Variants in EPHB1 observed in about 807,000 individuals in gnomAD.
EPHB1 encodes the protein EPH receptor B1, also known as ephrin type-B receptor 1.
Under a neutral mutation model 94.4 loss-of-function variants are expected in EPHB1, and 30 were observed. The ratio of observed to expected loss-of-function variants is 0.32; its 90% CI spans 0.24 to 0.43. The LOEUF is 0.43. Ranked by LOEUF, EPHB1 falls within the 20% of genes least tolerant of loss-of-function variation. The pLI is 1.00. For missense variants in EPHB1, 1,055 were observed against 1,308.3 expected (o/e 0.81, Z 2.99); for synonymous variants, 522 against 489.1 (o/e 1.07, Z -0.89).
At chr3:134,962,116 C>T (rs1933542174) in intron 3 of EPHB1, among the ~76,000 whole-genome samples, 1 of 152,184 alleles carries the variant, frequency 6.6e-6, no homozygotes, top group African/African-American at 2.4e-5. Flanking sequence ...TTGAGAGTTC[C>T]TGTTCCCTAT....
At chr3:135,228,135 G>C (rs750370084) in intron 12 of EPHB1, among the ~76,000 whole-genome samples, 1 of 150,834 alleles carries the variant, frequency 6.6e-6, no homozygotes, top group African/African-American at 2.4e-5. Flanking sequence ...CCTTTTTTTC[G>C]CTCTAGTACA....
intron 2 of EPHB1, among the ~76,000 whole-genome samples, chr3:134,942,114 A>G (rs11917899): frequency 2.0e-5 from 3 of 152,318 alleles, no homozygotes; most frequent in African/African-American, 2.4e-5. Flanking sequence ...TTTCACAAAG[A>G]CAGGTTAGCC....
intron 3 of EPHB1, among the ~76,000 whole-genome samples, chr3:135,057,574 G>GC (rs1937383301): frequency 6.6e-6 from 1 of 152,094 alleles, no homozygotes; most frequent in East Asian, 1.9e-4. Flanking sequence ...TGGCTCCCTT[G>GC]CCCCGCTCCT....
Position 135,230,704 on chromosome 3 carries a change from C to T in EPHB1, c.2347-10444C>T, listed in dbSNP as rs142425053. ...TAGAACCCAATAAGTAGTTTTTCAA[C>T]CCATGCCTCCCTCCCTCCCTCTCAC... On this transcript the variant is annotated intron_variant, in intron 12 of 15. Coordinates refer to ENST00000398015, the MANE Select transcript of EPHB1 (RefSeq NM_004441.5). 2.3e-3 allele frequency among the ~76,000 whole-genome samples: 344 copies of T among 152,150 alleles called. 5 individuals carry two copies. The highest frequency in any genetic ancestry group is 7.9e-3 in the African/African-American group (327 of 41,492).
At position 134,838,625 on chromosome 3, in the gene EPHB1, C is replaced by T. The variant is rs539488399; in HGVS notation, c.58+42936C>T. Among the ~76,000 whole-genome samples, 65 of 147,398 alleles carry T rather than the reference C, an allele frequency of 4.4e-4. 1 individual carries two copies. The highest frequency in any genetic ancestry group is 3.6e-3 in the Middle Eastern group (1 of 278). ...ATCATGGGAGAATAATTGCTTAGCA[C>T]CCTTCTCTTAAAAAAATCCTTCACT... On this transcript the variant is annotated intron_variant, in intron 1 of 15. Coordinates refer to ENST00000398015, the MANE Select transcript of EPHB1 (RefSeq NM_004441.5).
intron 3 of EPHB1, among the ~76,000 whole-genome samples, chr3:135,029,083 T>G (rs1173458074): frequency 1.7e-5 from 2 of 118,862 alleles, no homozygotes; most frequent in Non-Finnish European, 3.7e-5. Context: ...GCTTGGTAGA[T>G]CTTCCTCCAT....
intron 10 of EPHB1, among the ~76,000 whole-genome samples, chr3:135,182,682 A>AAAGT (rs146033873): frequency 0.23 from 35,205 of 152,072 alleles, 4,891 homozygotes; most frequent in East Asian, 0.48. Flanking sequence ...ACTAGTAGAA[A>AAAGT]AAGTAAGTTT....
At chr3:135,145,060 A>G (rs1276558935) in intron 5 of EPHB1, among the ~76,000 whole-genome samples, 1 of 152,240 alleles carries the variant, frequency 6.6e-6, no homozygotes. Context: ...CAGAAGTGTT[A>G]CTGCACCAAA....
chr3:134,869,450 T>C (rs186054277), intron 1 of EPHB1, among the ~76,000 whole-genome samples: 1 of 152,290 alleles, frequency 6.6e-6, no homozygotes, highest in Non-Finnish European at 1.5e-5. Context: ...ACAGTTTTTT[T>C]CATGCTCTCC....
At chr3:134,839,628 C>T (rs1200436929) in intron 1 of EPHB1, among the ~76,000 whole-genome samples, 4 of 151,944 alleles carry the variant, frequency 2.6e-5, no homozygotes, top group African/African-American at 7.3e-5. Context: ...GAGTCATGAC[C>T]TCCTGCCAGG....
intron 13 of EPHB1, among the ~76,000 whole-genome samples, chr3:135,245,997 GCT>G (rs1943914511): frequency 6.6e-6 from 1 of 152,168 alleles, no homozygotes; most frequent in East Asian, 1.9e-4. Flanking sequence ...ATGGAGCTGC[GCT>G]CTCTCAGAAA....
chr3:135,122,563 T>C (rs548278176), intron 4 of EPHB1, among the ~76,000 whole-genome samples: 1 of 152,088 alleles, frequency 6.6e-6, no homozygotes, highest in East Asian at 1.9e-4. Flanking sequence ...CATAAATACC[T>C]CCCTACTGAG....
chr3:135,212,579 A>T (rs1389486723), intron 12 of EPHB1, among the ~76,000 whole-genome samples: 1 of 151,906 alleles, frequency 6.6e-6, no homozygotes, highest in African/African-American at 2.4e-5. Context: ...AATTGGGAAA[A>T]CTTTATACAC....
intron 4 of EPHB1, among the ~76,000 whole-genome samples, chr3:135,120,156 C>T (rs73862012): frequency 0.11 from 16,817 of 152,146 alleles, 1,471 homozygotes; most frequent in African/African-American, 0.24. Context: ...TTAAACAATC[C>T]TGTTTAATCA....
intron 1 of EPHB1, among the ~76,000 whole-genome samples, chr3:134,905,321 A>G (rs911598649): frequency 5.3e-5 from 8 of 152,186 alleles, no homozygotes; most frequent in African/African-American, 1.9e-4. Flanking sequence ...GAGTTTCCAC[A>G]TGCTGCTGGC....
At chr3:135,108,854 G>A (rs1939326956) in intron 4 of EPHB1, among the ~76,000 whole-genome samples, 1 of 152,148 alleles carries the variant, frequency 6.6e-6, no homozygotes, top group Admixed American at 6.5e-5. Context: ...GCTAGAGGCA[G>A]GTGACAAGTG....
intron 3 of EPHB1, among the ~76,000 whole-genome samples, chr3:135,091,565 A>G (rs1938559220): frequency 6.6e-6 from 1 of 152,012 alleles, no homozygotes; most frequent in African/African-American, 2.4e-5. Context: ...TCTAAAAGGT[A>G]TTTCTAAGGT....
intron 3 of EPHB1, among the ~76,000 whole-genome samples, chr3:135,073,986 C>T (rs1937818444): frequency 6.6e-6 from 1 of 152,194 alleles, no homozygotes; most frequent in African/African-American, 2.4e-5. Flanking sequence ...TCCATGGAGG[C>T]ACATCTTGTC....
At position 134,923,362 on chromosome 3, in the gene EPHB1, T is replaced by C. The variant is rs146450469; in HGVS notation, c.59-2454T>C. On this transcript the variant is annotated intron_variant, in intron 1 of 15. Coordinates refer to ENST00000398015, the MANE Select transcript of EPHB1 (RefSeq NM_004441.5). ...TGTGGAGGAAGGCACTCCCTGGCTC[T>C]GTTGGCTCCTGTCCACACAGGCACC... is the stretch of plus-strand genomic sequence containing the variant. Among the ~76,000 whole-genome samples, 579 of 152,288 alleles carry C rather than the reference T, an allele frequency of 3.8e-3. 3 individuals are homozygous for C. The highest frequency in any genetic ancestry group is 0.013 in the African/African-American group (558 of 41,574).
Sources: allele counts gnomAD v4.1 joint callset (sites outside exome capture counted in the v4.1 genomes callset), GRCh38; gene constraint gnomAD v4.1.1; transcripts MANE v1.5; gene names NCBI Gene and HGNC (gene_info 2026-07-23, HGNC 2026-07-21).